Variants in SLC22A4 observed in about 807,000 individuals in gnomAD.
SLC22A4 encodes the protein solute carrier family 22 member 4, also known as ET transporter.
Under a neutral mutation model 56.6 loss-of-function variants are expected in SLC22A4, and 39 were observed. The ratio of observed to expected loss-of-function variants is 0.69; its 90% CI spans 0.53 to 0.90. The LOEUF (loss-of-function observed/expected upper bound fraction) is 0.90, where lower values mean the gene tolerates loss of function less well. Among genes scored for constraint, SLC22A4 ranks in the 40% least tolerant of loss-of-function variants. SLC22A4 has a pLI of 0.00. For synonymous variants in SLC22A4, 241 were observed against 281.4 expected (o/e 0.86, Z 1.44); for missense variants, 594 against 696.5 (o/e 0.85, Z 1.66).
chr5:132,297,121 C>T (rs920216389), intron 1 of SLC22A4, among the ~76,000 whole-genome samples: 1 of 152,074 alleles, frequency 6.6e-6, no homozygotes, highest in African/African-American at 2.4e-5. Context: ...AGTTTGAGAC[C>T]AGCCTGGCCA....
intron 4 of SLC22A4, among the ~76,000 whole-genome samples, chr5:132,325,344 A>G (rs1399938052): frequency 6.6e-6 from 1 of 152,204 alleles, no homozygotes; most frequent in Non-Finnish European, 1.5e-5. Context: ...CTTCAATCAC[A>G]CTAGCTCAAT....
In SLC22A4 at chr5:132,334,787, G is replaced by C. The variant is rs1265665817; in HGVS notation, c.1116G>C (p.Leu372=). 6 of 1,614,052 alleles carry C rather than the reference G, an allele frequency of 3.7e-6. No individual in the cohort carries two copies. The highest frequency in any genetic ancestry group is 5.1e-6 in the Non-Finnish European group (6 of 1,179,934). Residue 372 remains leucine (L), a synonymous_variant, in exon 7 of 10, where the codon CTG becomes CTC. Coordinates refer to ENST00000200652, the MANE Select transcript of SLC22A4 (RefSeq NM_003059.3). ...CTAATTTACATGGAGATGCCTACCT[G>C]AACTGTTTCCTCTCTGCCTTGATTG... The part of the protein sequence containing the change: ...DAPNLHGDAY[L]NCFLSALIEI...
intron 4 of SLC22A4, among the ~76,000 whole-genome samples, chr5:132,326,722 C>T (rs891950356): frequency 1.1e-4 from 16 of 152,220 alleles, no homozygotes; most frequent in Admixed American, 2.6e-4. Flanking sequence ...TTTGGGCACT[C>T]GCTGATCTGG....
intron 1 of SLC22A4, among the ~76,000 whole-genome samples, chr5:132,301,196 C>T (rs1749898762): frequency 6.6e-6 from 1 of 152,272 alleles, no homozygotes; most frequent in Non-Finnish European, 1.5e-5. Flanking sequence ...AGCATGTCCT[C>T]TTCTCCCATG....
chr5:132,313,738 A>T lies in SLC22A4; in HGVS notation c.622A>T (p.Ile208Phe), dbSNP rs1250924770. The T allele has an allele frequency of 1.2e-6, 2 of 1,614,128 alleles. No individual in the cohort carries two copies. Among genetic ancestry groups the T allele is most frequent in the African/African-American group, 2.7e-5 (2 of 74,948 alleles). Reference sequence around the variant, plus strand: ...ATTTGTCATCGTGGGCATGGGCCAGATCTCCAACTATGTGGTAGCCTTCAT... The same window carrying T: ...ATTTGTCATCGTGGGCATGGGCCAGTTCTCCAACTATGTGGTAGCCTTCAT... ...VLFVIVGMGQ[I>F]SNYVVAFILG... Residue 208 changes from isoleucine (I) to phenylalanine (F), a missense_variant, in exon 3 of 10, where the codon ATC (isoleucine) becomes TTC (phenylalanine). Physicochemically the swap from Ile to Phe is conservative, Grantham distance 21 (BLOSUM62 0). Coordinates refer to ENST00000200652, the MANE Select transcript of SLC22A4 (RefSeq NM_003059.3).
Position 132,297,087 on chromosome 5 carries a change from G to A in SLC22A4, c.393+2078G>A, listed in dbSNP as rs555199079. Among the ~76,000 whole-genome samples, 14 of 152,306 alleles carry A rather than the reference G, an allele frequency of 9.2e-5. No homozygotes were observed. In the East Asian group the frequency reaches 2.7e-3, roughly 29 times the overall value. ...AATCCCAGTACTTTGAGAGGCTGAG[G>A]CGGGCAGATTACTTGAGGTCAGGAG... On this transcript the variant is annotated intron_variant, in intron 1 of 9. Coordinates refer to ENST00000200652, the MANE Select transcript of SLC22A4 (RefSeq NM_003059.3).
intron 3 of SLC22A4, among the ~76,000 whole-genome samples, chr5:132,318,603 T>C (rs563711396): frequency 5.3e-5 from 8 of 152,096 alleles, no homozygotes; most frequent in Non-Finnish European, 1.2e-4. Flanking sequence ...CTGGGGCAGG[T>C]ACTGCTCTAC....
chr5:132,334,407 T>C (rs1307964902), intron 6 of SLC22A4, among the ~76,000 whole-genome samples: 1 of 152,214 alleles, frequency 6.6e-6, no homozygotes, highest in African/African-American at 2.4e-5. Flanking sequence ...AGAAAAGTTA[T>C]TGTTGAATAT....
Position 132,335,350 on chromosome 5 carries a change from T to C in SLC22A4, c.1261+418T>C, listed in dbSNP as rs183385801. On this transcript the variant is annotated intron_variant, in intron 7 of 9. Transcript: ENST00000200652. ...TGGTCTGAATCTTTAAGTAGTTAAA[T>C]AGCACACAAAAGGATATATGCTTCC... Among the ~76,000 whole-genome samples the C allele has an allele frequency of 3.3e-3, 500 of 152,320 alleles. 3 individuals carry two copies. The highest frequency in any genetic ancestry group is 0.012 in the African/African-American group (482 of 41,586).
rs567019637 is a variant in SLC22A4, at chr5:132,294,506, T to A, written c.-111T>A. Reference sequence around the variant, plus strand: ...GCGCCCCAATTTCTAACAGCCTGCCTGTCCCCCGGGAACGTTCTAACATCC... The same window carrying A: ...GCGCCCCAATTTCTAACAGCCTGCCAGTCCCCCGGGAACGTTCTAACATCC... On this transcript the variant is annotated 5_prime_UTR_variant, in exon 1 of 10. Coordinates refer to ENST00000200652, the MANE Select transcript of SLC22A4 (RefSeq NM_003059.3). This position sits in a 1 kb window ranked among gnomAD's most constrained non-coding sequence, Gnocchi z 5.6. 1.4e-6 allele frequency: 2 copies of A among 1,479,956 alleles called. No homozygotes were observed. Among genetic ancestry groups the A allele is most frequent in the East Asian group, 4.6e-5 (2 of 43,416 alleles). 91.7% of individuals were successfully genotyped at this position (1,479,956 alleles called of 1,614,324 possible). A position where few individuals can be genotyped will look rare whatever the true frequency, so the allele number is the denominator to read the frequency against.
At chr5:132,337,911 T>G in intron 8 of SLC22A4, among the ~76,000 whole-genome samples, 2 of 151,254 alleles carry the variant, frequency 1.3e-5, no homozygotes, top group East Asian at 3.9e-4. Flanking sequence ...AATTTTTTTT[T>G]TTTTTGTATT....
chr5:132,340,440 T>C (rs1399550571), intron 8 of SLC22A4, 125 bp from the exon 9 acceptor site: 4 of 929,560 alleles, frequency 4.3e-6, no homozygotes, highest in Admixed American at 3.6e-5. Flanking sequence ...TACTTTTTTT[T>C]CTCTGAAAAT....
chr5:132,322,410 A>ACACACCTGGAG, intron 4 of SLC22A4, 55 bp downstream of exon 4: 1 of 1,540,634 alleles, frequency 6.5e-7, no homozygotes, highest in Non-Finnish European at 9.0e-7. Flanking sequence ...CACACCTGGA[A>ACACACCTGGAG]CACACCTGGA....
At chr5:132,331,595 G>A (rs1029407173) in intron 5 of SLC22A4, among the ~76,000 whole-genome samples, 161 bp from the exon 6 acceptor site, 1 of 152,196 alleles carries the variant, frequency 6.6e-6, no homozygotes, top group African/African-American at 2.4e-5. Context: ...CAGAGTAAGT[G>A]TCATATATGT....
chr5:132,340,643 CT>C lies in SLC22A4; in HGVS notation c.1524del (p.Glu509LysfsTer5). 1 of 1,613,774 alleles carries C rather than the reference CT, an allele frequency of 6.2e-7. No homozygotes were observed. Among genetic ancestry groups the C allele is most frequent in the Non-Finnish European group, 8.5e-7 (1 of 1,179,862 alleles). ...ATTGGAATCCTCACCCTTTTTTTCC[CT>C]GAAAGTTTGGGAATGACTCTTCCAG... ...VLIGILTLFF[P>X]ESLGMTLPET... On this transcript the variant is annotated frameshift_variant, in exon 9 of 10. Transcript: ENST00000200652. LOFTEE classifies it high-confidence loss of function.
intron 4 of SLC22A4, 64 bp downstream of exon 4, chr5:132,322,419 G>A: frequency 1.3e-6 from 2 of 1,502,112 alleles, no homozygotes; most frequent in South Asian, 2.3e-5. Context: ...AACACACCTG[G>A]AGCCTGATGC....
chr5:132,327,269 A>T lies in SLC22A4; in HGVS notation c.825-8A>T. The T allele has an allele frequency of 2.0e-6, 3 of 1,534,716 alleles. No individual in the cohort carries two copies. The highest frequency in any genetic ancestry group is 2.6e-6 in the Non-Finnish European group (3 of 1,133,934). ...GAAAAATTATTAAATATTAAAAATAAATTATAGGTTCATTCCTGAATCTCC... is the reference window on the plus strand; with the variant it reads ...GAAAAATTATTAAATATTAAAAATATATTATAGGTTCATTCCTGAATCTCC... On this transcript the variant is annotated splice_polypyrimidine_tract_variant and splice_region_variant and intron_variant, in intron 4 of 9. Transcript: ENST00000200652.
At chr5:132,319,545 G>A (rs1750471766) in intron 3 of SLC22A4, among the ~76,000 whole-genome samples, 1 of 152,154 alleles carries the variant, frequency 6.6e-6, no homozygotes, top group African/African-American at 2.4e-5. Flanking sequence ...TAACTCTGAA[G>A]TCTCAGCTAA....
chr5:132,330,379 A>G (rs1356742662), intron 5 of SLC22A4, among the ~76,000 whole-genome samples: 2 of 152,222 alleles, frequency 1.3e-5, no homozygotes, highest in African/African-American at 4.8e-5. Flanking sequence ...AATTCTAATC[A>G]GCTTGGTTAC....
Sources: gnomAD v4.1 joint callset for allele counts (sites outside exome capture counted in the v4.1 genomes callset) on GRCh38, gnomAD v4.1.1 for gene constraint, Gnocchi (gnomAD v3.1) non-coding constraint, MANE v1.5 for transcripts, NCBI Gene and HGNC (gene_info 2026-07-23, HGNC 2026-07-21) for gene names.